SYCP2L: variants seen among roughly 807,000 people sequenced by gnomAD.
The protein encoded by SYCP2L is synaptonemal complex protein 2 like.
In SYCP2L, 98 loss-of-function variants were observed where a neutral mutation model predicts 125.8. The ratio of observed to expected loss-of-function variants is 0.78; its 90% confidence interval spans 0.66 to 0.92. The LOEUF (loss-of-function observed/expected upper bound fraction) is 0.92, where lower values mean the gene tolerates loss of function less well. Ranked by LOEUF, SYCP2L falls within the 40% of genes least tolerant of loss-of-function variation. The pLI is 0.00. For missense variants in SYCP2L, 842 were observed against 936.4 expected, an observed-to-expected ratio of 0.90 and a Z score of 1.32; for synonymous variants, 317 against 325.4, an observed-to-expected ratio of 0.97 and a Z score of 0.28.
At chr6:10,889,640 G>A (rs558648510) in intron 1 of SYCP2L, among the ~76,000 whole-genome samples, 1 of 99,506 alleles carries the variant, frequency 1.0e-5, no homozygotes, top group African/African-American at 4.1e-5. Flanking sequence ...TTTTTTTTGA[G>A]ATGGAGTTTC....
intron 26 of SYCP2L, 112 bp from the exon 27 acceptor site, chr6:10,961,193 G>C (rs1474316366): frequency 1.2e-6 from 1 of 821,788 alleles, no homozygotes; most frequent in Non-Finnish European, 2.0e-6. Context: ...CCCATGACAA[G>C]AAATGTCTGG....
rs374285183 is a variant in SYCP2L at position 10,927,327 on chromosome 6, C to G, written c.1400C>G (p.Ser467Cys). Residue 467 changes from serine (S) to cysteine (C), a missense_variant, in exon 17 of 30, where the codon TCT (serine) becomes TGT (cysteine). Coordinates refer to ENST00000283141, the MANE Select transcript of SYCP2L (RefSeq NM_001040274.3). ...ATAACTCTCCACTTAAATGACCAATCTGAGCCACCTGTTATTGGGGAACCT... is the reference window on the plus strand; with the variant it reads ...ATAACTCTCCACTTAAATGACCAATGTGAGCCACCTGTTATTGGGGAACCT... ...CLITLHLNDQSEPPVIGEPAS... is the reference protein window; with the variant it reads ...CLITLHLNDQCEPPVIGEPAS... 4 of 1,613,966 alleles carry G rather than the reference C, an allele frequency of 2.5e-6. No homozygotes were observed. In the African/African-American group the frequency reaches 5.3e-5, roughly 22 times the overall value.
chr6:10,907,463 AAG>A, intron 9 of SYCP2L, 77 bp from the exon 10 acceptor site: 1 of 1,371,368 alleles, frequency 7.3e-7, no homozygotes, highest in East Asian at 2.3e-5. Flanking sequence ...TTCTTAGAGC[AAG>A]TGCTAAATCT....
intron 8 of SYCP2L, 144 bp from the exon 9 acceptor site, chr6:10,905,876 G>C: frequency 3.4e-6 from 2 of 584,126 alleles, no homozygotes; most frequent in South Asian, 5.2e-5. Context: ...CCATAAATAT[G>C]TGTTGGCATT....
At chr6:10,911,929 T>G (rs1780615815) in intron 12 of SYCP2L, among the ~76,000 whole-genome samples, 1 of 103,402 alleles carries the variant, frequency 9.7e-6, no homozygotes, top group South Asian at 3.4e-4. Context: ...TGAGACGGAG[T>G]CTCACTCTGT....
At chr6:10,935,500 T>A (rs1781076823) in intron 21 of SYCP2L, among the ~76,000 whole-genome samples, 1 of 152,018 alleles carries the variant, frequency 6.6e-6, no homozygotes, top group South Asian at 2.1e-4. Flanking sequence ...AAATATTTTT[T>A]GCTTTTTGAT....
intron 20 of SYCP2L, among the ~76,000 whole-genome samples, chr6:10,934,684 G>C (rs78212049): frequency 0.022 from 3,340 of 152,156 alleles, 164 homozygotes; most frequent in East Asian, 0.22. Context: ...TCTTAAAAAA[G>C]ATAACTGGAA....
At chr6:10,922,496 C>A (rs1471577590) in intron 14 of SYCP2L, among the ~76,000 whole-genome samples, 1 of 147,994 alleles carries the variant, frequency 6.8e-6, no homozygotes, top group Non-Finnish European at 1.5e-5. Flanking sequence ...GACGAAGTCT[C>A]ACTCTGTCGT....
At chr6:10,971,508 A>G (rs965186342) in intron 29 of SYCP2L, among the ~76,000 whole-genome samples, 15 of 151,870 alleles carry the variant, frequency 9.9e-5, no homozygotes, top group Admixed American at 2.0e-4. Flanking sequence ...ACTTTGTGAA[A>G]CAAACAACAT....
intron 18 of SYCP2L, among the ~76,000 whole-genome samples, chr6:10,928,733 T>G (rs1373604473): frequency 1.3e-5 from 2 of 152,102 alleles, no homozygotes; most frequent in Non-Finnish European, 2.9e-5. Context: ...AGATGGAGTC[T>G]CGCTCCATTC....
At chr6:10,915,277 T>C (rs1447616749) in intron 14 of SYCP2L, among the ~76,000 whole-genome samples, 1 of 152,208 alleles carries the variant, frequency 6.6e-6, no homozygotes, top group Non-Finnish European at 1.5e-5. Flanking sequence ...CAGAGACAGT[T>C]TGACTTCCTC....
At chr6:10,958,916 C>T (rs1308911638) in intron 26 of SYCP2L, 41 bp downstream of exon 26, 1 of 1,553,222 alleles carries the variant, frequency 6.4e-7, no homozygotes, top group East Asian at 2.3e-5. Flanking sequence ...GAAGTGTGAT[C>T]ACTCACCAAC....
At position 10,927,281 on chromosome 6, in the gene SYCP2L, G is replaced by T; in HGVS notation, c.1354G>T (p.Ala452Ser). The change falls in exon 17 of 30, where the codon GCT becomes TCT. Residue 452 changes from alanine to serine, a missense_variant. Physicochemically the swap from Ala to Ser is moderately conservative, Grantham distance 99. Transcript: ENST00000283141. ...ESTNMVEFMS[A>S]EDDRCLITLH... is the part of the protein sequence containing the mutation. ...CACTAACATGGTGGAGTTTATGAGT[G>T]CTGAAGATGACCGCTGCCTAATAAC... is the stretch of plus-strand genomic sequence containing the variant. 2 of 1,614,186 alleles carry T rather than the reference G, an allele frequency of 1.2e-6. No homozygotes were observed. The highest frequency in any genetic ancestry group is 1.7e-6 in the Non-Finnish European group (2 of 1,180,018).
At chr6:10,951,323 GGCTGAC>G (rs1781405614) in intron 23 of SYCP2L, among the ~76,000 whole-genome samples, 1 of 152,042 alleles carries the variant, frequency 6.6e-6, no homozygotes, top group African/African-American at 2.4e-5. Flanking sequence ...CTACTCTGGA[GGCTGAC>G]ATGGGGGTGG....
At chr6:10,972,908 G>A (rs1268494581) in intron 29 of SYCP2L, among the ~76,000 whole-genome samples, 1 of 152,166 alleles carries the variant, frequency 6.6e-6, no homozygotes, top group Non-Finnish European at 1.5e-5. Flanking sequence ...ATAGTGGCCA[G>A]AACTAGGTCA....
intron 14 of SYCP2L, among the ~76,000 whole-genome samples, chr6:10,923,841 G>A (rs1345420553): frequency 6.6e-6 from 1 of 151,376 alleles, no homozygotes; most frequent in African/African-American, 2.4e-5. Context: ...CCACCACCAC[G>A]CCCGGCTAAT....
At chr6:10,930,739 G>A (rs1005075409) in intron 19 of SYCP2L, among the ~76,000 whole-genome samples, 2 of 152,198 alleles carry the variant, frequency 1.3e-5, no homozygotes, top group African/African-American at 4.8e-5. Flanking sequence ...TATAAATGGA[G>A]TAGAAATTCA....
At position 10,901,263 on chromosome 6, in the gene SYCP2L, G is replaced by A. The variant is rs1204800004; in HGVS notation, c.467-1414G>A. On this transcript the variant is annotated intron_variant, in intron 6 of 29. Coordinates refer to ENST00000283141, the MANE Select transcript of SYCP2L (RefSeq NM_001040274.3). ...TTGTATATGACAACAAGTTTAATGT[G>A]TTAAAGAAATGTAAGAGTATTAGGC... Among the ~76,000 whole-genome samples the A allele has an allele frequency of 2.0e-5, 3 of 152,126 alleles. 1 individual carries two copies. The highest frequency in any genetic ancestry group is 4.4e-5 in the Non-Finnish European group (3 of 68,020).
chr6:10,918,776 C>T (rs750852554), intron 14 of SYCP2L, among the ~76,000 whole-genome samples: 25 of 152,218 alleles, frequency 1.6e-4, no homozygotes, highest in Admixed American at 7.8e-4. Flanking sequence ...CCTCGTGATC[C>T]GCCCACCTTG....
Sources: allele counts gnomAD v4.1 joint callset (sites outside exome capture counted in the v4.1 genomes callset), GRCh38; gene constraint gnomAD v4.1.1; transcripts MANE v1.5; gene names NCBI Gene and HGNC (gene_info 2026-07-23, HGNC 2026-07-21).